The following FNBP1 variants were observed in gnomAD, a reference collection of about 807,000 sequenced individuals.
FNBP1 encodes the protein formin binding protein 1.
In FNBP1, 26 loss-of-function variants were observed where a neutral mutation model predicts 90.6. The observed-to-expected ratio is 0.29, with a 90% CI of 0.21 to 0.40. FNBP1 has a LOEUF of 0.40. Ranked by LOEUF, FNBP1 falls within the 10% of genes least tolerant of loss-of-function variation. The pLI is 1.00. For synonymous variants in FNBP1, 260 were observed against 265.2 expected (o/e 0.98, Z 0.19); for missense variants, 635 against 768.0 (o/e 0.83, Z 2.05).
chr9:129,934,027 G>A (rs754044750), intron 6 of FNBP1, among the ~76,000 whole-genome samples: 4 of 152,150 alleles, frequency 2.6e-5, no homozygotes, highest in Non-Finnish European at 4.4e-5. Context: ...TACTCATTAT[G>A]ACAAAAATAC....
At chr9:129,935,209 A>C (rs1285092292) in intron 6 of FNBP1, among the ~76,000 whole-genome samples, 5 of 149,124 alleles carry the variant, frequency 3.4e-5, no homozygotes, top group African/African-American at 5.0e-5. Context: ...CTGCAGCCTC[A>C]AACTCCTGGG....
At chr9:130,021,888 G>A (rs2057865477) in intron 1 of FNBP1, among the ~76,000 whole-genome samples, 2 of 152,188 alleles carry the variant, frequency 1.3e-5, no homozygotes, top group Non-Finnish European at 1.5e-5. Context: ...CTGAAACAAG[G>A]TCTTGCTCTG....
chr9:129,907,583 GTGTGTGTGTGT>G (rs1564289670), intron 12 of FNBP1, among the ~76,000 whole-genome samples: 3 of 3,266 alleles, frequency 9.2e-4, no homozygotes, highest in African/African-American at 1.7e-3. Flanking sequence ...GAGTGAGGGT[GTGTGTGTGTGT>G]GTGTGTGTGT....
intron 4 of FNBP1, among the ~76,000 whole-genome samples, chr9:129,970,608 A>G (rs1304239028): frequency 1.3e-5 from 2 of 152,132 alleles, no homozygotes; most frequent in African/African-American, 4.8e-5. Context: ...TTGTCCTTTA[A>G]TTCCGTTTTA....
At chr9:130,038,597 A>C (rs1027910551) in intron 1 of FNBP1, among the ~76,000 whole-genome samples, 3 of 151,888 alleles carry the variant, frequency 2.0e-5, no homozygotes, top group Non-Finnish European at 4.4e-5. Flanking sequence ...GGGTTTCACC[A>C]TCTTGGTCCG....
rs767237257 is a variant in FNBP1 at position 129,895,908 on chromosome 9, C to A, written c.1776G>T (p.Arg592=). The part of the protein sequence containing the change: ...EDKGDGWTRI[R]RNEDEEGYVP... ...CATAACCCTCTTCATCTTCATTTCT[C>A]CGAATGCGGGTCCAGCCATCGCCTT... The change falls in exon 16 of 17, where the codon CGG becomes CGT. Residue 592 remains arginine, a synonymous_variant. Transcript: ENST00000446176. The A allele has an allele frequency of 4.3e-6, 7 of 1,613,682 alleles. No individual in the cohort carries two copies. Among genetic ancestry groups the A allele is most frequent in the Non-Finnish European group, 5.9e-6 (7 of 1,179,866 alleles).
intron 1 of FNBP1, among the ~76,000 whole-genome samples, chr9:130,013,481 T>A (rs1158993800): frequency 6.6e-6 from 1 of 152,046 alleles, no homozygotes; most frequent in East Asian, 1.9e-4. Context: ...AAGGACGTGG[T>A]GTAATGGCAA....
At chr9:129,921,813 A>C (rs997975342) in intron 10 of FNBP1, among the ~76,000 whole-genome samples, 7 of 152,196 alleles carry the variant, frequency 4.6e-5, no homozygotes, top group African/African-American at 1.7e-4. Context: ...TCCAAGTCTA[A>C]GAAGGACATC....
intron 12 of FNBP1, among the ~76,000 whole-genome samples, chr9:129,903,770 A>G (rs1217934262): frequency 6.6e-6 from 1 of 152,116 alleles, no homozygotes; most frequent in Non-Finnish European, 1.5e-5. Flanking sequence ...GCCTCAAGCA[A>G]TCCACCTGCC....
chr9:129,924,482 G>A (rs774301760), intron 9 of FNBP1, among the ~76,000 whole-genome samples: 4 of 152,184 alleles, frequency 2.6e-5, no homozygotes, highest in South Asian at 2.1e-4. Flanking sequence ...CATATTCTAC[G>A]TCCCCAGGTT....
In FNBP1 at chr9:130,037,457, C is replaced by G. The variant is rs79231281; in HGVS notation, c.24+5495G>C. ...GCAGTAAGAAGAGGTAATAATTATC[C>G]AATACCTGGAACTGTTAATAATTTG... is the stretch of plus-strand genomic sequence containing the variant. On this transcript the variant is annotated intron_variant, in intron 1 of 16. Transcript: ENST00000446176. Among the ~76,000 whole-genome samples, 88 of 152,152 alleles carry G rather than the reference C, an allele frequency of 5.8e-4. No individual in the cohort carries two copies. In the East Asian group the frequency reaches 0.017, roughly 29 times the overall value.
At chr9:129,915,290 C>T (rs2040089406) in intron 11 of FNBP1, among the ~76,000 whole-genome samples, 1 of 152,044 alleles carries the variant, frequency 6.6e-6, no homozygotes, top group African/African-American at 2.4e-5. Context: ...TCTCTAATAG[C>T]AACATTTTTC....
chr9:129,916,022 A>AAG, intron 10 of FNBP1, 42 bp from the exon 11 acceptor site: 3 of 1,480,206 alleles, frequency 2.0e-6, no homozygotes, highest in Middle Eastern at 1.7e-4. Flanking sequence ...AATAGAGAGA[A>AAG]AGAGAGAGAG....
chr9:129,917,213 C>T (rs189362262), intron 10 of FNBP1, among the ~76,000 whole-genome samples: 1 of 152,072 alleles, frequency 6.6e-6, no homozygotes, highest in East Asian at 1.9e-4. Flanking sequence ...GGGGTTTCGC[C>T]TTGTTGGTCA....
chr9:130,039,778 T>G (rs1216635875), intron 1 of FNBP1, among the ~76,000 whole-genome samples: 1 of 152,004 alleles, frequency 6.6e-6, no homozygotes. Flanking sequence ...CAAAGCAGGA[T>G]GTGGCTTAGG....
At chr9:129,989,704 A>G (rs2052820877) in intron 2 of FNBP1, among the ~76,000 whole-genome samples, 1 of 152,202 alleles carries the variant, frequency 6.6e-6, no homozygotes, top group Admixed American at 6.5e-5. Flanking sequence ...CAAGAGATCT[A>G]TTGTACAACA....
At chr9:129,927,462 G>A in intron 7 of FNBP1, 121 bp from the exon 8 acceptor site, 1 of 866,726 alleles carries the variant, frequency 1.2e-6, no homozygotes, top group Middle Eastern at 2.3e-4. Flanking sequence ...TAGAGTTAGA[G>A]CGGCTCTAAG....
intron 16 of FNBP1, among the ~76,000 whole-genome samples, chr9:129,893,891 G>A (rs1378135927): frequency 6.9e-6 from 1 of 144,796 alleles, no homozygotes; most frequent in Non-Finnish European, 1.5e-5. Flanking sequence ...ACTCCATCCT[G>A]GCGACAGAGC....
intron 16 of FNBP1, among the ~76,000 whole-genome samples, chr9:129,893,914 C>CA (rs34164874): frequency 0.33 from 37,972 of 115,034 alleles, 6,216 homozygotes; most frequent in Non-Finnish European, 0.42. Context: ...GACTCCATCT[C>CA]AAAAAAAAAA....
Sources: gnomAD v4.1 joint callset for allele counts (sites outside exome capture counted in the v4.1 genomes callset) on GRCh38, gnomAD v4.1.1 for gene constraint, MANE v1.5 for transcripts, NCBI Gene and HGNC (gene_info 2026-07-23, HGNC 2026-07-21) for gene names.